Variants in SMOC1 observed in about 807,000 individuals in gnomAD.
The protein encoded by SMOC1 is SPARC-related modular calcium-binding protein 1.
SMOC1 carries 22 observed loss-of-function variants against 56.3 expected under a neutral mutation model. That is an observed-to-expected ratio of 0.39 (90% CI 0.28 to 0.56). The LOEUF is 0.56. Ranked by LOEUF, SMOC1 falls within the 20% of genes least tolerant of loss-of-function variation. The probability of loss-of-function intolerance (pLI) is 0.61; values close to 1 mark genes in which losing one functional copy is unlikely to be tolerated. For synonymous variants in SMOC1, 193 were observed against 215.0 expected, an observed-to-expected ratio of 0.90 and a Z score of 0.89; for missense variants, 509 against 565.4, an observed-to-expected ratio of 0.90 and a Z score of 1.01.
chr14:69,928,619 G>T (rs1022063931), intron 1 of SMOC1, among the ~76,000 whole-genome samples: 26 of 152,006 alleles, frequency 1.7e-4, no homozygotes, highest in African/African-American at 3.6e-4. Context: ...GCTCATTGGG[G>T]GGGGGGTCCC....
At chr14:69,917,104 C>T (rs1298186041) in intron 1 of SMOC1, among the ~76,000 whole-genome samples, 1 of 152,218 alleles carries the variant, frequency 6.6e-6, no homozygotes, top group Non-Finnish European at 1.5e-5. Context: ...ATTTGATCAG[C>T]TTGAATGTAT....
Position 69,879,776 on chromosome 14 carries a change from G to A in SMOC1, c.98G>A (p.Arg33Lys). Reference protein sequence around the residue: ...PARGHRTTGPRFLISDRDPQC... With the variant: ...PARGHRTTGPKFLISDRDPQC... The stretch of plus-strand genomic sequence containing the variant: ...CGCGGCCACCGCACCACAGGCCCCA[G>A]GGTAAGTGCGCCCCCAGCTTTGCGC... The change falls in exon 1 of 12, where the codon AGG becomes AAG. Residue 33 changes from arginine to lysine, a missense_variant and splice_region_variant. Transcript: ENST00000361956. 1 of 1,586,220 alleles carries A rather than the reference G, an allele frequency of 6.3e-7. No individual in the cohort carries two copies. The highest frequency in any genetic ancestry group is 1.7e-4 in the Middle Eastern group (1 of 6,016).
intron 1 of SMOC1, among the ~76,000 whole-genome samples, chr14:69,931,188 T>C (rs1885155451): frequency 6.6e-6 from 1 of 152,246 alleles, no homozygotes; most frequent in Admixed American, 6.5e-5. Context: ...AGCAGCCACA[T>C]GGGCGTCTCC....
At chr14:69,959,838 G>A (rs1015672696) in intron 3 of SMOC1, among the ~76,000 whole-genome samples, 1 of 152,124 alleles carries the variant, frequency 6.6e-6, no homozygotes, top group African/African-American at 2.4e-5. Context: ...GGGCTCTATT[G>A]TCATTTCCAT....
At chr14:69,920,522 C>T (rs988683974) in intron 1 of SMOC1, among the ~76,000 whole-genome samples, 2 of 152,188 alleles carry the variant, frequency 1.3e-5, no homozygotes, top group Non-Finnish European at 2.9e-5. Flanking sequence ...CCCCAATTGT[C>T]ATGGTTCTGT....
At chr14:69,881,316 G>T (rs80309913) in intron 1 of SMOC1, among the ~76,000 whole-genome samples, 8,975 of 152,212 alleles carry the variant, frequency 0.059, 343 homozygotes, top group Non-Finnish European at 0.086. Flanking sequence ...AGAGCACCCC[G>T]ACTGAAATCT....
At chr14:69,945,021 ATTG>A (rs1268632937) in intron 1 of SMOC1, among the ~76,000 whole-genome samples, 1 of 152,218 alleles carries the variant, frequency 6.6e-6, no homozygotes, top group Non-Finnish European at 1.5e-5. Context: ...GCTTTAAGGT[ATTG>A]TTGGTAGTTG....
At chr14:69,990,979 T>C (rs778285880) in intron 5 of SMOC1, among the ~76,000 whole-genome samples, 19 of 152,076 alleles carry the variant, frequency 1.2e-4, no homozygotes, top group Non-Finnish European at 2.2e-4. Flanking sequence ...AAGGGTGAGA[T>C]GTTGATGCAA....
intron 5 of SMOC1, among the ~76,000 whole-genome samples, chr14:69,979,809 G>C (rs1414186092): frequency 6.6e-6 from 1 of 152,054 alleles, no homozygotes; most frequent in Non-Finnish European, 1.5e-5. Context: ...TTATTCCTGG[G>C]CATGAGGTCC....
At chr14:69,994,611 A>C (rs928617679) in intron 7 of SMOC1, 131 bp downstream of exon 7, 2 of 756,518 alleles carry the variant, frequency 2.6e-6, no homozygotes, top group Non-Finnish European at 4.6e-6. Context: ...ATAGCTATAA[A>C]ATAAAGAGAT....
intron 1 of SMOC1, chr14:69,885,239 A>C (rs1400200068): frequency 1.4e-6 from 1 of 735,194 alleles, no homozygotes; most frequent in South Asian, 2.2e-5. Context: ...TTGCTTAGGA[A>C]CGATTACTCT....
At chr14:69,919,132 T>C (rs1046637453) in intron 1 of SMOC1, among the ~76,000 whole-genome samples, 1 of 152,212 alleles carries the variant, frequency 6.6e-6, no homozygotes, top group Non-Finnish European at 1.5e-5. Flanking sequence ...GGGTAGAGTC[T>C]TCTTTCCCAT....
intron 3 of SMOC1, among the ~76,000 whole-genome samples, chr14:69,954,142 A>C (rs915734333): frequency 6.6e-6 from 1 of 152,094 alleles, no homozygotes; most frequent in Non-Finnish European, 1.5e-5. Context: ...GACTGTGTTG[A>C]TCTTGGCACA....
intron 1 of SMOC1, chr14:69,885,890 G>A: frequency 6.3e-7 from 1 of 1,599,252 alleles, no homozygotes; most frequent in East Asian, 2.2e-5. Flanking sequence ...CAGGGCCTGG[G>A]TGAACTGGTT....
intron 7 of SMOC1, among the ~76,000 whole-genome samples, chr14:70,004,299 T>C (rs1885073632): frequency 6.6e-6 from 1 of 152,264 alleles, no homozygotes; most frequent in Non-Finnish European, 1.5e-5. Context: ...CTTCATATTA[T>C]AGGTCAATTT....
At chr14:69,961,723 G>T (rs1176347215) in intron 3 of SMOC1, among the ~76,000 whole-genome samples, 2 of 152,080 alleles carry the variant, frequency 1.3e-5, no homozygotes, top group African/African-American at 4.8e-5. Flanking sequence ...GTGAAGATTT[G>T]TGTACATTTT....
intron 1 of SMOC1, among the ~76,000 whole-genome samples, chr14:69,940,465 A>T (rs913724332): frequency 1.3e-5 from 2 of 152,200 alleles, no homozygotes; most frequent in African/African-American, 4.8e-5. Flanking sequence ...GTTCAGGATA[A>T]CTTTATAAGG....
At chr14:69,943,547 T>C (rs1447893290) in intron 1 of SMOC1, among the ~76,000 whole-genome samples, 1 of 152,226 alleles carries the variant, frequency 6.6e-6, no homozygotes, top group Non-Finnish European at 1.5e-5. Context: ...AGTCCAGTTT[T>C]GCAGATGGTG....
At chr14:70,005,806 C>T (rs1885130889) in intron 7 of SMOC1, among the ~76,000 whole-genome samples, 1 of 152,106 alleles carries the variant, frequency 6.6e-6, no homozygotes, top group Admixed American at 6.5e-5. Context: ...TTCCATGCCC[C>T]CCTGGACAGC....
Sources: allele counts gnomAD v4.1 joint callset (sites outside exome capture counted in the v4.1 genomes callset), GRCh38; gene constraint gnomAD v4.1.1; transcripts MANE v1.5; gene names NCBI Gene and HGNC (gene_info 2026-07-23, HGNC 2026-07-21).